The following MAML3 variants were observed in gnomAD, a reference collection of about 807,000 sequenced individuals.
The protein encoded by MAML3 is mastermind-like protein 3.
Under a neutral mutation model 101.9 loss-of-function variants are expected in MAML3, and 27 were observed. The ratio of observed to expected loss-of-function variants is 0.27; its 90% confidence interval spans 0.20 to 0.37. MAML3 has a LOEUF of 0.37. Ranked by LOEUF, MAML3 falls within the 10% of genes least tolerant of loss-of-function variation. The probability of loss-of-function intolerance (pLI) is 1.00; values close to 1 mark genes in which losing one functional copy is unlikely to be tolerated. For missense variants in MAML3, 1,316 were observed against 1,444.9 expected (o/e 0.91, Z 1.45); for synonymous variants, 501 against 555.9 (o/e 0.90, Z 1.39).
chr4:139,724,564 A>G (rs1728388968), intron 4 of MAML3, among the ~76,000 whole-genome samples: 1 of 152,220 alleles, frequency 6.6e-6, no homozygotes, highest in African/African-American at 2.4e-5. Flanking sequence ...TTTCTCTGCA[A>G]GAGGCTTCAT....
At chr4:139,885,960 A>G (rs7686766) in intron 2 of MAML3, among the ~76,000 whole-genome samples, 20 of 134,336 alleles carry the variant, frequency 1.5e-4, no homozygotes, top group African/African-American at 4.6e-4. Flanking sequence ...AAAAAAAAGA[A>G]AGAGAAAAAA....
chr4:140,091,548 C>CAAA lies in MAML3; in HGVS notation c.468+61309_468+61311dup, dbSNP rs58455997. Among the ~76,000 whole-genome samples, 44 of 121,100 alleles carry CAAA rather than the reference C, an allele frequency of 3.6e-4. 1 individual carries two copies. The highest frequency in any genetic ancestry group is 1.2e-3 in the African/African-American group (37 of 32,036). 79.4% of individuals were successfully genotyped at this position (121,100 alleles called of 152,430 possible). ...ACAAAACAACAAAACAAAAACAAAACAAAAAAAAAAAACAGGACCAAGGAC... is the reference window on the plus strand; with the variant it reads ...ACAAAACAACAAAACAAAAACAAAACAAAAAAAAAAAAAAACAGGACCAAGGAC... On this transcript the variant is annotated intron_variant, in intron 1 of 4. Transcript: ENST00000509479.
At chr4:139,793,806 C>G (rs574051994) in intron 2 of MAML3, among the ~76,000 whole-genome samples, 1 of 152,184 alleles carries the variant, frequency 6.6e-6, no homozygotes, top group Non-Finnish European at 1.5e-5. Flanking sequence ...GATCAGCAAA[C>G]ATCTATAGGT....
At chr4:139,904,230 G>C (rs1209189857) in intron 1 of MAML3, among the ~76,000 whole-genome samples, 1 of 152,198 alleles carries the variant, frequency 6.6e-6, no homozygotes, top group Non-Finnish European at 1.5e-5. Context: ...CACCCAGTGT[G>C]TGGTACTGGC....
intron 1 of MAML3, among the ~76,000 whole-genome samples, chr4:139,968,567 C>A (rs1431810936): frequency 6.6e-6 from 1 of 152,082 alleles, no homozygotes; most frequent in Non-Finnish European, 1.5e-5. Context: ...ACAGTCCAGA[C>A]TTTCTCTAAG....
intron 2 of MAML3, among the ~76,000 whole-genome samples, chr4:139,830,449 C>A (rs1375455150): frequency 7.2e-6 from 1 of 139,332 alleles, no homozygotes; most frequent in Non-Finnish European, 1.5e-5. Context: ...GAGTCTCGCT[C>A]CGTCACCCAG....
chr4:140,058,608 TA>T (rs1727393081), intron 1 of MAML3, among the ~76,000 whole-genome samples: 1 of 136,876 alleles, frequency 7.3e-6, no homozygotes, highest in Non-Finnish European at 1.7e-5. Context: ...TATATTTTCT[TA>T]GTATTTGTAT....
At chr4:139,975,142 C>T (rs1197687632) in intron 1 of MAML3, among the ~76,000 whole-genome samples, 1 of 152,094 alleles carries the variant, frequency 6.6e-6, no homozygotes, top group East Asian at 1.9e-4. Flanking sequence ...AGCCAAAGTC[C>T]TTGCAAGGGC....
chr4:140,110,072 C>A (rs536453467), intron 1 of MAML3, among the ~76,000 whole-genome samples: 8 of 152,304 alleles, frequency 5.3e-5, no homozygotes, highest in African/African-American at 1.7e-4. Flanking sequence ...TAAGTGGAGC[C>A]GCCTGTGCGT....
chr4:140,152,916 G>T lies in MAML3; in HGVS notation c.412C>A (p.Pro138Thr). The T allele has an allele frequency of 6.2e-7, 1 of 1,612,840 alleles. No homozygotes were observed. The highest frequency in any genetic ancestry group is 8.5e-7 in the Non-Finnish European group (1 of 1,179,724). The change falls in exon 1 of 5, where the codon CCC (proline) becomes ACC (threonine). Residue 138 changes from proline (P) to threonine (T), a missense_variant. Transcript: ENST00000509479. Reference protein sequence around the residue: ...GTGKQQHPSKPQQDAEAASAE... With the variant: ...GTGKQQHPSKTQQDAEAASAE... ...GAGGCAGCCTCCGCATCTTGCTGGG[G>T]TTTGCTCGGGTGCTGCTGTTTGCCG...
At position 139,719,430 on chromosome 4, in the gene MAML3, A is replaced by G. The variant is rs1728133751; in HGVS notation, c.3310T>C (p.Ser1104Pro). The G allele has an allele frequency of 6.2e-7, 1 of 1,613,996 alleles. No individual in the cohort carries two copies. Among genetic ancestry groups the G allele is most frequent in the Admixed American group, 1.7e-5 (1 of 60,020 alleles). Residue 1104 changes from serine to proline, a missense_variant, in exon 5 of 5, where the codon TCC becomes CCC. Ser to Pro is a moderately conservative substitution (Grantham distance 74). Coordinates refer to ENST00000509479, the MANE Select transcript of MAML3 (RefSeq NM_018717.5). ...GCACCGTCCGGGAGGCCAGGGAAGG[A>G]ACCCCCAGCTCCGTCGCCACTGTAA... The part of the protein sequence containing the change: ...YNYSGDGAGG[S>P]FPGLPDGADL...
intron 1 of MAML3, among the ~76,000 whole-genome samples, chr4:140,090,775 G>T (rs1879614): frequency 0.93 from 142,007 of 152,240 alleles, 66,848 homozygotes; most frequent in East Asian, 1. Flanking sequence ...GACAGGCCAG[G>T]CATGGTGGCT....
At chr4:140,060,197 C>G (rs111907761) in intron 1 of MAML3, among the ~76,000 whole-genome samples, 2,178 of 151,660 alleles carry the variant, frequency 0.014, 45 homozygotes, top group African/African-American at 0.05. Flanking sequence ...GAAACCCAGT[C>G]TCTATTAAAA....
chr4:139,791,790 C>T (rs1730420080), intron 2 of MAML3, among the ~76,000 whole-genome samples: 2 of 152,176 alleles, frequency 1.3e-5, no homozygotes, highest in South Asian at 4.1e-4. Context: ...ACAGTATTTC[C>T]AGCCCATTGT....
intron 1 of MAML3, among the ~76,000 whole-genome samples, chr4:139,981,286 C>T (rs1436355328): frequency 6.6e-6 from 1 of 152,218 alleles, no homozygotes; most frequent in African/African-American, 2.4e-5. Flanking sequence ...TGGCTTAGCG[C>T]CCTACCCCAA....
At chr4:140,017,230 C>A (rs1159305011) in intron 1 of MAML3, among the ~76,000 whole-genome samples, 1 of 152,082 alleles carries the variant, frequency 6.6e-6, no homozygotes, top group Admixed American at 6.5e-5. Flanking sequence ...CAGGGAAATG[C>A]AAATTAAGGC....
intron 1 of MAML3, among the ~76,000 whole-genome samples, chr4:139,936,254 G>T (rs1202030792): frequency 6.6e-6 from 1 of 152,066 alleles, no homozygotes; most frequent in East Asian, 1.9e-4. Context: ...TAAACACACA[G>T]CCACATACAC....
chr4:140,043,749 A>T (rs944602147), intron 1 of MAML3, among the ~76,000 whole-genome samples: 2 of 152,202 alleles, frequency 1.3e-5, no homozygotes, highest in Non-Finnish European at 2.9e-5. Flanking sequence ...CTAAGACAAC[A>T]CTATCAGTTT....
chr4:140,011,342 G>GTTT (rs1251237879), intron 1 of MAML3, among the ~76,000 whole-genome samples: 6 of 93,060 alleles, frequency 6.4e-5, no homozygotes, highest in African/African-American at 1.5e-4. Flanking sequence ...TTCTTGTTTT[G>GTTT]TTTTTTTTTT....
Sources: gnomAD v4.1 joint callset for allele counts (sites outside exome capture counted in the v4.1 genomes callset) on GRCh38, gnomAD v4.1.1 for gene constraint, MANE v1.5 for transcripts, NCBI Gene and HGNC (gene_info 2026-07-23, HGNC 2026-07-21) for gene names.